TPD52L1: variants seen among roughly 807,000 people sequenced by gnomAD.
TPD52L1 encodes the protein TPD52 like 1.
TPD52L1 carries 18 observed loss-of-function variants against 28.7 expected under a neutral mutation model. That is an observed-to-expected ratio of 0.63 (90% confidence interval 0.43 to 0.93). The LOEUF is 0.93. Ranked by LOEUF, TPD52L1 falls within the 40% of genes least tolerant of loss-of-function variation. The probability of loss-of-function intolerance (pLI) is 0.00; values close to 1 mark genes in which losing one functional copy is unlikely to be tolerated. For missense variants in TPD52L1, 203 were observed against 254.8 expected, an observed-to-expected ratio of 0.80 and a Z score of 1.39; for synonymous variants, 75 against 88.8, an observed-to-expected ratio of 0.84 and a Z score of 0.88.
chr6:125,260,971 A>AGAAG (rs1797938895), intron 6 of TPD52L1: 1 of 44,246 alleles, frequency 2.3e-5, no homozygotes, highest in African/African-American at 2.0e-4. Context: ...AAAGAAAGAA[A>AGAAG]GAAAGAAAAG....
chr6:125,159,451 C>T (rs182057865), intron 1 of TPD52L1, among the ~76,000 whole-genome samples: 2 of 152,296 alleles, frequency 1.3e-5, no homozygotes, highest in Admixed American at 6.5e-5. Flanking sequence ...GCTTCTTTTG[C>T]TGTTTCTACC....
At chr6:125,229,075 C>T (rs773420310) in intron 2 of TPD52L1, 43 bp from the exon 3 acceptor site, 61 of 1,580,728 alleles carry the variant, frequency 3.9e-5, no homozygotes, top group Middle Eastern at 1.7e-4. Context: ...TCCTTTTTTG[C>T]TGGTCTGACA....
At chr6:125,252,249 C>T in intron 4 of TPD52L1, 2 of 519,082 alleles carry the variant, frequency 3.9e-6, no homozygotes, top group South Asian at 6.8e-5. Flanking sequence ...GAATCATTTA[C>T]ACCATTTCAC....
intron 1 of TPD52L1, among the ~76,000 whole-genome samples, chr6:125,213,156 T>C (rs1374259306): frequency 2.0e-5 from 3 of 152,192 alleles, no homozygotes; most frequent in African/African-American, 7.2e-5. Context: ...TATGAGCACC[T>C]AGGCTTTGAG....
intron 1 of TPD52L1, among the ~76,000 whole-genome samples, chr6:125,164,857 T>C (rs60756270): frequency 0.017 from 2,554 of 152,074 alleles, 76 homozygotes; most frequent in African/African-American, 0.059. Context: ...GCCTCAGTCA[T>C]TGATCAGCTG....
chr6:125,172,538 A>ATATATAT (rs1562214543), intron 1 of TPD52L1, among the ~76,000 whole-genome samples: 12 of 85,378 alleles, frequency 1.4e-4, no homozygotes, highest in Non-Finnish European at 2.2e-4. Context: ...ATATATATAT[A>ATATATAT]TATATATATA....
At chr6:125,241,167 G>A (rs1796590582) in intron 3 of TPD52L1, among the ~76,000 whole-genome samples, 2 of 152,072 alleles carry the variant, frequency 1.3e-5, no homozygotes, top group Admixed American at 1.3e-4. Flanking sequence ...TGAGTCCCTG[G>A]TATGAAATCC....
At chr6:125,259,761 AT>A (rs1797805018) in intron 6 of TPD52L1, among the ~76,000 whole-genome samples, 1 of 152,242 alleles carries the variant, frequency 6.6e-6, no homozygotes. Context: ...TTTTTGTATT[AT>A]GAGAGATTAG....
chr6:125,217,018 AT>A (rs1269588561), intron 1 of TPD52L1, among the ~76,000 whole-genome samples: 2 of 152,194 alleles, frequency 1.3e-5, no homozygotes, highest in African/African-American at 4.8e-5. Context: ...GACAAAATCC[AT>A]TTTCATTTGT....
chr6:125,165,100 T>A (rs867971947), intron 1 of TPD52L1, among the ~76,000 whole-genome samples: 3 of 50,552 alleles, frequency 5.9e-5, no homozygotes, highest in African/African-American at 5.6e-4. Context: ...ATATATATAT[T>A]TTAACTGTAT....
intron 1 of TPD52L1, among the ~76,000 whole-genome samples, chr6:125,159,721 A>G (rs1471677811): frequency 6.6e-6 from 1 of 152,214 alleles, no homozygotes; most frequent in Non-Finnish European, 1.5e-5. Flanking sequence ...ATACGACTTG[A>G]AAGTCAAAAT....
At position 125,180,446 on chromosome 6, in the gene TPD52L1, T is replaced by C. The variant is rs117047740; in HGVS notation, c.19+26476T>C. 1.2e-3 allele frequency among the ~76,000 whole-genome samples: 188 copies of C among 152,212 alleles called. 1 individual carries two copies. The East Asian group carries it at 0.024, about 20-fold the overall frequency. On this transcript the variant is annotated intron_variant, in intron 1 of 6. Transcript: ENST00000534000. The stretch of plus-strand genomic sequence containing the variant: ...ACAGTTTATAACTTTTTAAAATTGA[T>C]CAAAAATTACCCTAACTTTGAAGGT...
At position 125,257,177 on chromosome 6, in the gene TPD52L1, C is replaced by T. The variant is rs774690187; in HGVS notation, c.486+19C>T. On this transcript the variant is annotated intron_variant, in intron 6 of 6. Transcript: ENST00000534000. ...CCTCAAGGTACAGATGAAGTGAATT[C>T]TGTGTGAGTGGGTCCATTGACTCAG... 14 of 1,603,448 alleles carry T rather than the reference C, an allele frequency of 8.7e-6. No homozygotes were observed. The highest frequency in any genetic ancestry group is 1.2e-5 in the Non-Finnish European group (14 of 1,171,726).
intron 3 of TPD52L1, among the ~76,000 whole-genome samples, chr6:125,230,276 T>C (rs1330314493): frequency 6.6e-6 from 1 of 152,178 alleles, no homozygotes; most frequent in Non-Finnish European, 1.5e-5. Context: ...CTGGGGGTCT[T>C]GTACCAAAGG....
rs1554202639 is a variant in TPD52L1 at position 125,172,530 on chromosome 6, A to AT, written c.19+18561dup. On this transcript the variant is annotated intron_variant, in intron 1 of 6. Transcript: ENST00000534000. The stretch of plus-strand genomic sequence containing the variant: ...TTTCATGCTATATATATATATATAT[A>AT]TATATATATATATATATATATAATA... 3.7e-4 allele frequency among the ~76,000 whole-genome samples: 32 copies of AT among 86,678 alleles called. 1 individual carries two copies. The highest frequency in any genetic ancestry group is 8.7e-4 in the African/African-American group (16 of 18,386). The allele number at this position is 86,678 out of a possible 152,430, so 56.9% of individuals were successfully genotyped here. A position where few individuals can be genotyped will look rare whatever the true frequency, so the allele number is the denominator to read the frequency against.
At chr6:125,158,514 T>C (rs1000474960) in intron 1 of TPD52L1, among the ~76,000 whole-genome samples, 19 of 152,112 alleles carry the variant, frequency 1.2e-4, no homozygotes, top group Admixed American at 1.1e-3. Flanking sequence ...GCAGTTTATA[T>C]GGATACTTGA....
chr6:125,160,960 CT>C (rs544361039), intron 1 of TPD52L1, among the ~76,000 whole-genome samples: 12,487 of 150,746 alleles, frequency 0.083, 558 homozygotes, highest in Middle Eastern at 0.11. Context: ...CAAGCAAATT[CT>C]CCTGCCTCCG....
intron 1 of TPD52L1, among the ~76,000 whole-genome samples, chr6:125,188,388 A>G (rs1282430916): frequency 6.6e-6 from 1 of 152,102 alleles, no homozygotes; most frequent in East Asian, 1.9e-4. Context: ...TCCTACCCTT[A>G]CCTTCTTGAA....
intron 1 of TPD52L1, among the ~76,000 whole-genome samples, chr6:125,156,735 C>T (rs1045321888): frequency 1.3e-5 from 2 of 152,010 alleles, no homozygotes; most frequent in Non-Finnish European, 2.9e-5. Flanking sequence ...CATCACTGCA[C>T]CCCAGCTTGG....
Sources: gnomAD v4.1 joint callset for allele counts (sites outside exome capture counted in the v4.1 genomes callset) on GRCh38, gnomAD v4.1.1 for gene constraint, MANE v1.5 for transcripts, NCBI Gene and HGNC (gene_info 2026-07-23, HGNC 2026-07-21) for gene names.